Variants in MAPK10 observed in about 807,000 individuals in gnomAD.
The protein encoded by MAPK10 is JNK3 alpha protein kinase.
In MAPK10, 25 loss-of-function variants were observed where a neutral mutation model predicts 59.3. The observed-to-expected ratio is 0.42, with a 90% CI of 0.31 to 0.59. The LOEUF is 0.59. Ranked by LOEUF, MAPK10 falls within the 20% of genes least tolerant of loss-of-function variation. The pLI, the probability that MAPK10 is intolerant of heterozygous loss-of-function variation, is 0.15. For synonymous variants in MAPK10, 190 were observed against 200.5 expected, an observed-to-expected ratio of 0.95 and a Z score of 0.44; for missense variants, 351 against 568.9, an observed-to-expected ratio of 0.62 and a Z score of 3.90.
chr4:86,302,619 A>G (rs2095491638), intron 2 of MAPK10, among the ~76,000 whole-genome samples: 1 of 152,202 alleles, frequency 6.6e-6, no homozygotes, highest in Non-Finnish European at 1.5e-5. Context: ...TAAGTGACCT[A>G]TTTAGGGAGT....
chr4:86,205,583 C>A (rs1443508468), intron 2 of MAPK10, among the ~76,000 whole-genome samples: 1 of 151,456 alleles, frequency 6.6e-6, no homozygotes, highest in Non-Finnish European at 1.5e-5. Context: ...AATTATCAAG[C>A]AAAATTATAT....
At chr4:86,491,330 T>C (rs1754438074) in intron 1 of MAPK10, among the ~76,000 whole-genome samples, 1 of 152,230 alleles carries the variant, frequency 6.6e-6, no homozygotes, top group Non-Finnish European at 1.5e-5. Context: ...GTGCATCACA[T>C]GGTTGATGGT....
chr4:86,386,146 G>A (rs1741427941), intron 1 of MAPK10, among the ~76,000 whole-genome samples: 1 of 152,158 alleles, frequency 6.6e-6, no homozygotes, highest in Non-Finnish European at 1.5e-5. Flanking sequence ...GGAAATGGGG[G>A]GGAATCATGT....
intron 1 of MAPK10, among the ~76,000 whole-genome samples, chr4:86,584,537 AG>A (rs766215924): frequency 2.0e-5 from 3 of 152,120 alleles, no homozygotes; most frequent in Non-Finnish European, 2.9e-5. Context: ...TCCACCTTCC[AG>A]GCTCAAGCAA....
At chr4:86,449,982 C>G (rs1332430178) in intron 1 of MAPK10, among the ~76,000 whole-genome samples, 1 of 152,142 alleles carries the variant, frequency 6.6e-6, no homozygotes, top group Non-Finnish European at 1.5e-5. Context: ...GAAAGAGGAC[C>G]CTGAGCTCCA....
At chr4:86,331,078 T>C (rs1395596309) in intron 2 of MAPK10, among the ~76,000 whole-genome samples, 2 of 152,170 alleles carry the variant, frequency 1.3e-5, no homozygotes, top group African/African-American at 2.4e-5. Context: ...AGTTCAAGAC[T>C]GTTGGGATAA....
chr4:86,456,052 A>G (rs903002894), upstream of MAPK10, among the ~76,000 whole-genome samples: 1 of 152,222 alleles, frequency 6.6e-6, no homozygotes, highest in Admixed American at 6.5e-5. Flanking sequence ...CTGCTCCTGT[A>G]TGATCATTGG....
intron 1 of MAPK10, among the ~76,000 whole-genome samples, chr4:86,591,642 G>A (rs1763056313): frequency 6.6e-6 from 1 of 152,092 alleles, no homozygotes; most frequent in African/African-American, 2.4e-5. Context: ...CCAGAGTGTT[G>A]GCATTACAGG....
chr4:86,468,592 AC>A (rs1314983924), intron 1 of MAPK10, among the ~76,000 whole-genome samples: 2 of 152,156 alleles, frequency 1.3e-5, no homozygotes. Context: ...GGTGGCTCAC[AC>A]CTGTAATCCC....
intron 9 of MAPK10, chr4:86,081,450 C>T (rs2050633595): frequency 6.6e-6 from 1 of 151,468 alleles, no homozygotes; most frequent in African/African-American, 2.4e-5. Context: ...ACACATAAAA[C>T]TCACAAAAAT....
chr4:86,153,581 A>G (rs749544827), intron 4 of MAPK10, among the ~76,000 whole-genome samples: 28 of 152,200 alleles, frequency 1.8e-4, no homozygotes, highest in Admixed American at 3.3e-4. Flanking sequence ...ACACATAGAA[A>G]TGTGGGTATT....
At chr4:86,451,805 TC>T (rs1428561285) in intron 1 of MAPK10, among the ~76,000 whole-genome samples, 3 of 151,972 alleles carry the variant, frequency 2.0e-5, no homozygotes, top group Non-Finnish European at 2.9e-5. Flanking sequence ...GCACACAAAT[TC>T]CCAGGTACTT....
Position 86,130,442 on chromosome 4 carries a change from G to A in MAPK10, c.237-23090C>T, listed in dbSNP as rs72662057. Reference sequence around the variant, plus strand: ...AGATTCAAACTAAACAAATAATTAGGTCAAAAGGAGAAAATACTAGATGCT... The same window carrying A: ...AGATTCAAACTAAACAAATAATTAGATCAAAAGGAGAAAATACTAGATGCT... On this transcript the variant is annotated intron_variant, in intron 4 of 13. Transcript: ENST00000641462. Among the ~76,000 whole-genome samples, 346 of 152,036 alleles carry A rather than the reference G, an allele frequency of 2.3e-3. 1 individual carries two copies. The highest frequency in any genetic ancestry group is 3.9e-3 in the Non-Finnish European group (263 of 67,964).
At chr4:86,293,677 C>G (rs946439153) in intron 2 of MAPK10, among the ~76,000 whole-genome samples, 4 of 152,048 alleles carry the variant, frequency 2.6e-5, no homozygotes, top group South Asian at 2.1e-4. Context: ...TCTGGGGAGG[C>G]CTCAGGAAGT....
chr4:86,543,225 C>G (rs1758869552), intron 1 of MAPK10, among the ~76,000 whole-genome samples: 1 of 152,166 alleles, frequency 6.6e-6, no homozygotes, highest in Non-Finnish European at 1.5e-5. Flanking sequence ...AGGAATTGAG[C>G]TATAGGAATA....
At chr4:86,305,601 C>T (rs1008632919) in intron 2 of MAPK10, among the ~76,000 whole-genome samples, 1 of 151,980 alleles carries the variant, frequency 6.6e-6, no homozygotes, top group Admixed American at 6.6e-5. Flanking sequence ...GGGGAATCAC[C>T]TGAGGTCAGG....
intron 1 of MAPK10, among the ~76,000 whole-genome samples, chr4:86,503,575 C>T (rs1755487309): frequency 6.6e-6 from 1 of 152,146 alleles, no homozygotes; most frequent in Non-Finnish European, 1.5e-5. Flanking sequence ...TCTCCATCCT[C>T]ATCTTATTCA....
chr4:86,575,261 CA>C (rs1761798363), intron 1 of MAPK10, among the ~76,000 whole-genome samples: 2 of 152,176 alleles, frequency 1.3e-5, no homozygotes, highest in African/African-American at 4.8e-5. Flanking sequence ...CTCCAACTTG[CA>C]GATGGCAGGT....
At chr4:86,206,732 G>T (rs977191779) in intron 2 of MAPK10, among the ~76,000 whole-genome samples, 1 of 151,956 alleles carries the variant, frequency 6.6e-6, no homozygotes, top group Non-Finnish European at 1.5e-5. Context: ...TTTAATGATC[G>T]CCATTCTAAC....
Sources: allele counts gnomAD v4.1 joint callset (sites outside exome capture counted in the v4.1 genomes callset), GRCh38; gene constraint gnomAD v4.1.1; transcripts MANE v1.5; gene names NCBI Gene and HGNC (gene_info 2026-07-23, HGNC 2026-07-21).